The following SEMA5A variants were observed in gnomAD, a reference collection of about 807,000 sequenced individuals.
SEMA5A encodes the protein semaphorin 5A.
In SEMA5A, 55 loss-of-function variants were observed where a neutral mutation model predicts 135.5. That is an observed-to-expected ratio of 0.41 (90% confidence interval 0.33 to 0.51). The LOEUF is 0.51. Ranked by LOEUF, SEMA5A falls within the 20% of genes least tolerant of loss-of-function variation. SEMA5A has a pLI of 0.37. For missense variants in SEMA5A, 1,290 were observed against 1,419.9 expected (o/e 0.91, Z 1.47); for synonymous variants, 580 against 546.5 (o/e 1.06, Z -0.85).
intron 1 of SEMA5A, among the ~76,000 whole-genome samples, chr5:9,470,270 T>C (rs1405973650): frequency 1.3e-5 from 2 of 152,226 alleles, no homozygotes; most frequent in Admixed American, 6.5e-5. Context: ...CTTGTTCCTA[T>C]AGTGTGTGCT....
chr5:9,497,595 T>TA (rs1735367272), intron 1 of SEMA5A, among the ~76,000 whole-genome samples: 1 of 152,188 alleles, frequency 6.6e-6, no homozygotes, highest in Non-Finnish European at 1.5e-5. Flanking sequence ...CACTTCAAGA[T>TA]ACCAGGCATC....
At chr5:9,199,396 C>T (rs887554797) in intron 9 of SEMA5A, among the ~76,000 whole-genome samples, 6 of 152,048 alleles carry the variant, frequency 3.9e-5, no homozygotes, top group Admixed American at 1.3e-4. Context: ...GCCTGTGTGA[C>T]TCCACTGTGC....
chr5:9,077,596 A>T (rs1212357152), intron 16 of SEMA5A, among the ~76,000 whole-genome samples: 1 of 152,198 alleles, frequency 6.6e-6, no homozygotes, highest in African/African-American at 2.4e-5. Context: ...TACATACCTT[A>T]TCATGCATCA....
intron 2 of SEMA5A, among the ~76,000 whole-genome samples, chr5:9,384,615 G>C (rs868377708): frequency 0.01 from 1,028 of 100,250 alleles, 17 homozygotes; most frequent in Non-Finnish European, 0.014. Flanking sequence ...TAGATAGATA[G>C]ATACATAGAT....
chr5:9,090,656 G>C (rs758549596), intron 16 of SEMA5A, among the ~76,000 whole-genome samples: 11 of 152,268 alleles, frequency 7.2e-5, no homozygotes, highest in Admixed American at 1.3e-4. Flanking sequence ...ACTACTCATG[G>C]AGCAGCTACT....
chr5:9,487,360 G>C (rs1734785274), intron 1 of SEMA5A, among the ~76,000 whole-genome samples: 1 of 152,260 alleles, frequency 6.6e-6, no homozygotes, highest in East Asian at 1.9e-4. Context: ...GGAAACTGAA[G>C]GCCAGGGAGT....
chr5:9,098,565 TAG>T (rs2150137191), intron 16 of SEMA5A, among the ~76,000 whole-genome samples: 1 of 152,334 alleles, frequency 6.6e-6, no homozygotes, highest in Non-Finnish European at 1.5e-5. Context: ...ACTTTAAATC[TAG>T]AGAGTCACTC....
intron 5 of SEMA5A, among the ~76,000 whole-genome samples, chr5:9,302,393 A>G (rs541391521): frequency 5.3e-5 from 8 of 152,336 alleles, no homozygotes; most frequent in African/African-American, 1.9e-4. Flanking sequence ...CGCATGGATC[A>G]TCTCTCAGCT....
chr5:9,057,269 A>AT (rs1271413697), intron 18 of SEMA5A, among the ~76,000 whole-genome samples: 1 of 152,260 alleles, frequency 6.6e-6, no homozygotes, highest in Non-Finnish European at 1.5e-5. Context: ...AAGTAGGTAG[A>AT]TTTTATGTTG....
At chr5:9,163,454 A>G (rs1011275703) in intron 11 of SEMA5A, among the ~76,000 whole-genome samples, 2 of 152,194 alleles carry the variant, frequency 1.3e-5, no homozygotes, top group Non-Finnish European at 2.9e-5. Context: ...TTAACTTTCA[A>G]TGTTTAAGTA....
At chr5:9,064,248 C>T (rs937793549) in intron 17 of SEMA5A, among the ~76,000 whole-genome samples, 1 of 152,150 alleles carries the variant, frequency 6.6e-6, no homozygotes, top group Non-Finnish European at 1.5e-5. Context: ...GAAAATGAGT[C>T]CCATTTTGTG....
At chr5:9,456,559 G>A (rs1371122214) in intron 1 of SEMA5A, among the ~76,000 whole-genome samples, 1 of 152,168 alleles carries the variant, frequency 6.6e-6, no homozygotes, top group Non-Finnish European at 1.5e-5. Context: ...AAAAGCAGAT[G>A]TGTCATGGCC....
chr5:9,419,067 T>C (rs936779373), intron 2 of SEMA5A, among the ~76,000 whole-genome samples: 13 of 151,416 alleles, frequency 8.6e-5, no homozygotes, highest in African/African-American at 3.2e-4. Flanking sequence ...GTAAGTTGTG[T>C]CCTCGTATTC....
intron 11 of SEMA5A, among the ~76,000 whole-genome samples, chr5:9,174,203 C>T (rs1333924441): frequency 3.9e-5 from 6 of 152,174 alleles, no homozygotes; most frequent in Non-Finnish European, 8.8e-5. Context: ...TTACAGCTTA[C>T]TGCAGACATT....
At position 9,108,355 on chromosome 5, in the gene SEMA5A, C is replaced by T. The variant is rs1004742357; in HGVS notation, c.1926-68G>A. 8 of 1,564,194 alleles carry T rather than the reference C, an allele frequency of 5.1e-6. No homozygotes were observed. The African/African-American group carries it at 9.5e-5, about 19-fold the overall frequency. On this transcript the variant is annotated intron_variant, in intron 15 of 22. Coordinates refer to ENST00000382496, the MANE Select transcript of SEMA5A (RefSeq NM_003966.3). ...CACTTGAAACCACTGACGTTTCCATCTCCATCCCTGCACCAGATGTTGAAC... is the reference window on the plus strand; with the variant it reads ...CACTTGAAACCACTGACGTTTCCATTTCCATCCCTGCACCAGATGTTGAAC...
chr5:9,258,971 T>A (rs1001047507), intron 5 of SEMA5A, among the ~76,000 whole-genome samples: 1 of 151,996 alleles, frequency 6.6e-6, no homozygotes, highest in Non-Finnish European at 1.5e-5. Context: ...CACAGGGGCC[T>A]GCCACCATAC....
intron 1 of SEMA5A, among the ~76,000 whole-genome samples, chr5:9,483,222 T>C (rs1759943171): frequency 1.3e-5 from 2 of 152,132 alleles, no homozygotes; most frequent in Admixed American, 6.6e-5. Flanking sequence ...TTTGGGGCTG[T>C]CTCCAACCCT....
intron 12 of SEMA5A, among the ~76,000 whole-genome samples, chr5:9,150,715 C>A (rs1050698663): frequency 6.6e-6 from 1 of 152,124 alleles, no homozygotes; most frequent in Non-Finnish European, 1.5e-5. Context: ...GGAGACTCAG[C>A]TTAGAAAGCT....
At chr5:9,159,377 C>T (rs557838438) in intron 11 of SEMA5A, among the ~76,000 whole-genome samples, 8 of 152,056 alleles carry the variant, frequency 5.3e-5, no homozygotes, top group South Asian at 2.1e-4. Context: ...TTTTTCTATC[C>T]GCTCTTCTAG....
Sources: gnomAD v4.1 joint callset for allele counts (sites outside exome capture counted in the v4.1 genomes callset) on GRCh38, gnomAD v4.1.1 for gene constraint, MANE v1.5 for transcripts, NCBI Gene and HGNC (gene_info 2026-07-23, HGNC 2026-07-21) for gene names.